Variants in STK38 observed in about 807,000 individuals in gnomAD.
STK38 encodes serine/threonine kinase 38, also known as serine/threonine-protein kinase 38.
STK38 carries 26 observed loss-of-function variants against 59.0 expected under a neutral mutation model. The ratio of observed to expected loss-of-function variants is 0.44; its 90% CI spans 0.32 to 0.61. STK38 has a LOEUF of 0.61. Among genes scored for constraint, STK38 ranks in the 20% least tolerant of loss-of-function variants. The pLI is 0.04. For missense variants in STK38, 433 were observed against 566.0 expected, an observed-to-expected ratio of 0.76 and a Z score of 2.38; for synonymous variants, 175 against 176.6, an observed-to-expected ratio of 0.99 and a Z score of 0.07.
At chr6:36,519,731 T>C (rs1422777281) in intron 5 of STK38, among the ~76,000 whole-genome samples, 1 of 152,178 alleles carries the variant, frequency 6.6e-6, no homozygotes, top group East Asian at 1.9e-4. Context: ...TGGGGGGTGC[T>C]AGTTGCTATC....
chr6:36,494,828 C>G lies in STK38; in HGVS notation c.*956G>C, dbSNP rs1273855314. The G allele has an allele frequency of 1.3e-5, 2 of 152,302 alleles. No homozygotes were observed. The highest frequency in any genetic ancestry group is 3.9e-4 in the East Asian group (2 of 5,192). 9.4% of individuals were successfully genotyped at this position (152,302 alleles called of 1,614,324 possible). On this transcript the variant is annotated 3_prime_UTR_variant, in exon 14 of 14. Transcript: ENST00000229812. Reference sequence around the variant, plus strand: ...ACCATTTCCAAAGGGGTTCTGGAGACCTTGCAGGAACAGGAACAGCACCTT... The same window carrying G: ...ACCATTTCCAAAGGGGTTCTGGAGAGCTTGCAGGAACAGGAACAGCACCTT...
intron 11 of STK38, 143 bp downstream of exon 11, chr6:36,498,220 C>T (rs1776752438): frequency 1.7e-6 from 2 of 1,197,900 alleles, no homozygotes; most frequent in East Asian, 2.4e-5. Context: ...GCGTAAGCCA[C>T]CATGCACAGC....
At chr6:36,509,864 G>C (rs1777064365) in intron 7 of STK38, among the ~76,000 whole-genome samples, 1 of 152,178 alleles carries the variant, frequency 6.6e-6, no homozygotes, top group Non-Finnish European at 1.5e-5. Flanking sequence ...GTAGCCCTTA[G>C]GAGACCCGGA....
At position 36,501,877 on chromosome 6, in the gene STK38, T is replaced by C. The variant is rs372102225; in HGVS notation, c.835-1887A>G. On this transcript the variant is annotated intron_variant, in intron 9 of 13. Coordinates refer to ENST00000229812, the MANE Select transcript of STK38 (RefSeq NM_007271.4). The stretch of plus-strand genomic sequence containing the variant: ...TTACAGTGCTTCCAGTATTTCACTA[T>C]GACAAATAACACCTGAATAAACATT... Among the ~76,000 whole-genome samples the C allele has an allele frequency of 3.3e-5, 5 of 152,360 alleles. No homozygotes were observed. In the East Asian group the frequency reaches 7.7e-4, roughly 23 times the overall value.
chr6:36,497,766 T>C lies in STK38; in HGVS notation c.1172+14A>G. 6.3e-7 allele frequency: 1 copy of C among 1,583,974 alleles called. No homozygotes were observed. Among genetic ancestry groups the C allele is most frequent in the Non-Finnish European group, 8.6e-7 (1 of 1,160,426 alleles). The stretch of plus-strand genomic sequence containing the variant: ...CTTTCTGAAATAATTCTGAAAGTGT[T>C]TATATGGATATACCTGATATGTTCC... On this transcript the variant is annotated intron_variant, in intron 12 of 13. Transcript: ENST00000229812.
chr6:36,533,914 A>G (rs189470506), intron 2 of STK38, among the ~76,000 whole-genome samples: 1 of 152,344 alleles, frequency 6.6e-6, no homozygotes, highest in East Asian at 1.9e-4. Flanking sequence ...ACACTTGTTT[A>G]CTCCAGTGAA....
intron 5 of STK38, among the ~76,000 whole-genome samples, chr6:36,521,257 C>T (rs1053113946): frequency 1.8e-4 from 27 of 151,936 alleles, no homozygotes; most frequent in Admixed American, 1.6e-3. Context: ...TTTCAGGTAC[C>T]GATGAGCTAC....
In STK38 at chr6:36,506,653, AAAG is replaced by A; in HGVS notation, c.773-12_773-10del. 6.2e-7 allele frequency: 1 copy of A among 1,612,110 alleles called. No individual in the cohort carries two copies. Among genetic ancestry groups the A allele is most frequent in the Non-Finnish European group, 8.5e-7 (1 of 1,179,518 alleles). On this transcript the variant is annotated splice_polypyrimidine_tract_variant and intron_variant, in intron 8 of 13. Coordinates refer to ENST00000229812, the MANE Select transcript of STK38 (RefSeq NM_007271.4). The stretch of plus-strand genomic sequence containing the variant: ...ATTCATGTTCTGGAAAGCTGAAAGT[AAAG>A]AATACAAGCTGCAGTCAAAGTTCAG...
chr6:36,527,214 G>GTATA lies in STK38; in HGVS notation c.132-1576_132-1573dup, dbSNP rs754385176. Reference sequence around the variant, plus strand: ...CTCAAAAAAAAAAAAAAAAATATATGTATATATATATATATTTATATGTAT... The same window carrying GTATA: ...CTCAAAAAAAAAAAAAAAAATATATGTATATATATATATATATATTTATATGTAT... On this transcript the variant is annotated intron_variant, in intron 2 of 13. Coordinates refer to ENST00000229812, the MANE Select transcript of STK38 (RefSeq NM_007271.4). 1.0e-4 allele frequency among the ~76,000 whole-genome samples: 12 copies of GTATA among 117,216 alleles called. 1 individual carries two copies. Among genetic ancestry groups the GTATA allele is most frequent in the South Asian group, 2.5e-4 (1 of 4,048 alleles). 76.9% of individuals were successfully genotyped at this position (117,216 alleles called of 152,430 possible).
At chr6:36,508,574 T>C (rs924446507) in intron 7 of STK38, among the ~76,000 whole-genome samples, 2 of 152,250 alleles carry the variant, frequency 1.3e-5, no homozygotes, top group African/African-American at 4.8e-5. Context: ...ATAAATGCTA[T>C]TGCCATGAGA....
intron 2 of STK38, among the ~76,000 whole-genome samples, chr6:36,537,224 C>A (rs753554629): frequency 2.0e-5 from 3 of 152,118 alleles, no homozygotes; most frequent in Non-Finnish European, 2.9e-5. Flanking sequence ...AGTGAGAGAT[C>A]ATTAAATATC....
rs1333964252 is a variant in STK38, at chr6:36,495,642, C to T, written c.*142G>A. On this transcript the variant is annotated 3_prime_UTR_variant, in exon 14 of 14. Transcript: ENST00000229812. The stretch of plus-strand genomic sequence containing the variant: ...CAGATGCATTATGGAAGAAAATCCT[C>T]TTACTACCACATTTCAGGAGACTTT... 1.5e-5 allele frequency: 17 copies of T among 1,098,102 alleles called. No homozygotes were observed. The highest frequency in any genetic ancestry group is 1.9e-5 in the Non-Finnish European group (15 of 791,972). The allele number at this position is 1,098,102 out of a possible 1,614,324, so 68.0% of individuals were successfully genotyped here. A position where few individuals can be genotyped will look rare whatever the true frequency, so the allele number is the denominator to read the frequency against.
chr6:36,524,524 C>A lies in STK38; in HGVS notation c.184-61G>T, dbSNP rs147145530. The A allele has an allele frequency of 5.9e-3, 8,825 of 1,493,324 alleles. 44 individuals are homozygous for A. Among genetic ancestry groups the A allele is most frequent in the Middle Eastern group, 0.025 (138 of 5,526 alleles). 92.5% of individuals were successfully genotyped at this position (1,493,324 alleles called of 1,614,324 possible). On this transcript the variant is annotated intron_variant, in intron 3 of 13. Coordinates refer to ENST00000229812, the MANE Select transcript of STK38 (RefSeq NM_007271.4). ...GAACTGAAATTCTGAAACTCTGTAA[C>A]AAGTCATGTTTGTGACTTACCCAGC...
In STK38 at chr6:36,516,744, A is replaced by T. The variant is rs145982128; in HGVS notation, c.514+973T>A. ...CAGTCAATGGGGCCTCGCCTGTGCA[A>T]GTTTGCCCAGATGATTGGAGAGCTC... On this transcript the variant is annotated intron_variant, in intron 6 of 13. Transcript: ENST00000229812. Among the ~76,000 whole-genome samples the T allele has an allele frequency of 5.1e-3, 783 of 152,242 alleles. 3 individuals carry two copies. The highest frequency in any genetic ancestry group is 0.017 in the African/African-American group (724 of 41,548).
chr6:36,526,952 G>C lies in STK38; in HGVS notation c.132-1310C>G, dbSNP rs374265401. 6.8e-4 allele frequency among the ~76,000 whole-genome samples: 103 copies of C among 151,366 alleles called. 4 individuals carry two copies. The East Asian group carries it at 0.019, about 28-fold the overall frequency. On this transcript the variant is annotated intron_variant, in intron 2 of 13. Coordinates refer to ENST00000229812, the MANE Select transcript of STK38 (RefSeq NM_007271.4). Reference sequence around the variant, plus strand: ...CTCACGCCTGTAATCCCAGCACTTTGGGAGGCTGAGGAGGGTGGATCATAA... The same window carrying C: ...CTCACGCCTGTAATCCCAGCACTTTCGGAGGCTGAGGAGGGTGGATCATAA...
At chr6:36,527,258 G>GTATATATGTACACATGTATACATATA (rs1227081694) in intron 2 of STK38, among the ~76,000 whole-genome samples, 1 of 139,188 alleles carries the variant, frequency 7.2e-6, no homozygotes, top group Non-Finnish European at 1.5e-5. Flanking sequence ...GTATACATAT[G>GTATATATGTACACATGTATACATATA]TATATATGTA....
intron 10 of STK38, 44 bp downstream of exon 10, chr6:36,499,829 G>C: frequency 6.8e-7 from 1 of 1,468,942 alleles, no homozygotes. Context: ...GTAAAAGTCT[G>C]TCATGGATGC....
chr6:36,497,765 T>C lies in STK38; in HGVS notation c.1172+15A>G. ...ACTTTCTGAAATAATTCTGAAAGTGTTTATATGGATATACCTGATATGTTC... is the reference window on the plus strand; with the variant it reads ...ACTTTCTGAAATAATTCTGAAAGTGCTTATATGGATATACCTGATATGTTC... On this transcript the variant is annotated intron_variant, in intron 12 of 13. Coordinates refer to ENST00000229812, the MANE Select transcript of STK38 (RefSeq NM_007271.4). The C allele has an allele frequency of 6.3e-7, 1 of 1,580,840 alleles. No individual in the cohort carries two copies. The highest frequency in any genetic ancestry group is 8.6e-7 in the Non-Finnish European group (1 of 1,158,114).
intron 2 of STK38, among the ~76,000 whole-genome samples, chr6:36,534,595 G>A (rs2127488031): frequency 6.6e-6 from 1 of 152,202 alleles, no homozygotes; most frequent in East Asian, 1.9e-4. Context: ...CAAGGCTGCA[G>A]TGAGCCATGA....
Sources: allele counts gnomAD v4.1 joint callset (sites outside exome capture counted in the v4.1 genomes callset), GRCh38; gene constraint gnomAD v4.1.1; transcripts MANE v1.5; gene names NCBI Gene and HGNC (gene_info 2026-07-23, HGNC 2026-07-21).